TAS2R1: variants seen among roughly 807,000 people sequenced by gnomAD.
The protein encoded by TAS2R1 is taste 2 receptor member 1.
For missense variants in TAS2R1, 370 were observed against 353.4 expected (o/e 1.05, Z -0.38); for synonymous variants, 141 against 134.2 (o/e 1.05, Z -0.35).
At chr5:9,783,772 T>A in the TAS2R1 span, among the ~76,000 whole-genome samples, 5 of 152,368 alleles carry the variant, frequency 3.3e-5, no homozygotes, top group South Asian at 1.0e-3. Flanking sequence ...AAAATATGTG[T>A]AGCCAAGACA....
chr5:9,860,001 T>A, the TAS2R1 span, among the ~76,000 whole-genome samples: 3 of 152,228 alleles, frequency 2.0e-5, no homozygotes, highest in African/African-American at 7.2e-5. Flanking sequence ...AAGTCTAATA[T>A]CTTATCTGAC....
chr5:9,644,479 C>G (rs892397647), intron 2 of TAS2R1, among the ~76,000 whole-genome samples: 1 of 152,002 alleles, frequency 6.6e-6, no homozygotes, highest in African/African-American at 2.4e-5. Context: ...CCCTGGTGAG[C>G]AATGGAGCCA....
At chr5:9,826,213 T>A in the TAS2R1 span, among the ~76,000 whole-genome samples, 1 of 152,216 alleles carries the variant, frequency 6.6e-6, no homozygotes. Context: ...TGTATAATGA[T>A]GCTAATATCA....
upstream of TAS2R1, among the ~76,000 whole-genome samples, chr5:9,632,758 C>A (rs1561364719): frequency 6.6e-6 from 1 of 152,170 alleles, no homozygotes; most frequent in African/African-American, 2.4e-5. Context: ...TCAGGCTCTA[C>A]TTCTAATTAT....
chr5:9,857,897 G>A, the TAS2R1 span, among the ~76,000 whole-genome samples: 1 of 152,218 alleles, frequency 6.6e-6, no homozygotes, highest in Non-Finnish European at 1.5e-5. Context: ...CCTCCAGCAG[G>A]CTGGCCTGTT....
In TAS2R1 at chr5:9,640,404, G is replaced by A. The variant is rs1264908637; in HGVS notation, c.-80-10412C>T. On this transcript the variant is annotated intron_variant, in intron 2 of 2. Coordinates refer to the TAS2R1 transcript ENST00000506620. ...TTTCAGATAGTGAACGAATTACCAAGGTATGACAGAGACATGAAGAGAGCA... is the reference window on the plus strand; with the variant it reads ...TTTCAGATAGTGAACGAATTACCAAAGTATGACAGAGACATGAAGAGAGCA... Among the ~76,000 whole-genome samples, 3 of 146,902 alleles carry A rather than the reference G, an allele frequency of 2.0e-5. No individual in the cohort carries two copies. In the Admixed American group the frequency reaches 2.1e-4, roughly 10 times the overall value.
At chr5:9,842,312 CTCTCTTTTTTTTT>C in the TAS2R1 span, among the ~76,000 whole-genome samples, 1 of 120,378 alleles carries the variant, frequency 8.3e-6, no homozygotes, top group African/African-American at 3.0e-5. Context: ...GTCTTTCTTT[CTCTCTTTTTTTTT>C]TTTTTTTTTT....
the TAS2R1 span, among the ~76,000 whole-genome samples, chr5:9,871,415 G>T: frequency 6.6e-6 from 1 of 152,194 alleles, no homozygotes; most frequent in Non-Finnish European, 1.5e-5. Flanking sequence ...TTCACAGGAA[G>T]ATTTGGATGA....
the TAS2R1 span, among the ~76,000 whole-genome samples, chr5:9,816,194 G>A: frequency 6.6e-6 from 1 of 151,782 alleles, no homozygotes; most frequent in African/African-American, 2.4e-5. Flanking sequence ...GCTATACACT[G>A]TTTTGATTCT....
chr5:9,656,205 T>C (rs1387333376), intron 2 of TAS2R1, among the ~76,000 whole-genome samples: 1 of 152,218 alleles, frequency 6.6e-6, no homozygotes, highest in African/African-American at 2.4e-5. Flanking sequence ...TTGAGTAATA[T>C]AGCATTTTCA....
At chr5:9,736,814 T>G in the TAS2R1 span, among the ~76,000 whole-genome samples, 1 of 152,138 alleles carries the variant, frequency 6.6e-6, no homozygotes, top group African/African-American at 2.4e-5. Context: ...GTATTCTGGA[T>G]ACCCATGAGG....
the TAS2R1 span, among the ~76,000 whole-genome samples, chr5:9,839,503 A>G: frequency 5.9e-5 from 9 of 152,372 alleles, 1 homozygote; most frequent in African/African-American, 2.2e-4. Context: ...TTTCAGTGAC[A>G]TGATGAAATT....
chr5:9,700,596 C>CGCTT (rs1741460245), intron 1 of TAS2R1, among the ~76,000 whole-genome samples: 1 of 152,152 alleles, frequency 6.6e-6, no homozygotes, highest in East Asian at 1.9e-4. Flanking sequence ...GGATATAATG[C>CGCTT]GCTTGCTTGC....
intron 2 of TAS2R1, among the ~76,000 whole-genome samples, chr5:9,640,272 C>T (rs952288988): frequency 2.3e-4 from 35 of 151,566 alleles, no homozygotes; most frequent in Non-Finnish European, 4.6e-4. Context: ...ATCAAGTTTG[C>T]CATCTTGTTT....
intron 1 of TAS2R1, among the ~76,000 whole-genome samples, chr5:9,670,916 A>G (rs1740737046): frequency 6.6e-6 from 1 of 152,220 alleles, no homozygotes; most frequent in Non-Finnish European, 1.5e-5. Flanking sequence ...AACCAAATCC[A>G]GCAGCACATC....
the TAS2R1 span, among the ~76,000 whole-genome samples, chr5:9,857,624 T>C: frequency 6.6e-6 from 1 of 152,210 alleles, no homozygotes; most frequent in Non-Finnish European, 1.5e-5. Context: ...TTTTGAATTC[T>C]TTATCAGGAA....
At chr5:9,672,409 T>C (rs2126503750) in intron 1 of TAS2R1, among the ~76,000 whole-genome samples, 1 of 152,120 alleles carries the variant, frequency 6.6e-6, no homozygotes, top group Admixed American at 6.5e-5. Flanking sequence ...ATGTCCAGAA[T>C]CTATACGGAA....
chr5:9,646,107 T>C (rs951722259), intron 2 of TAS2R1, among the ~76,000 whole-genome samples: 7 of 152,176 alleles, frequency 4.6e-5, no homozygotes, highest in Non-Finnish European at 1.0e-4. Context: ...CCCATACCTG[T>C]GACTTGTATA....
At chr5:9,662,484 T>A (rs1019873667) in intron 1 of TAS2R1, among the ~76,000 whole-genome samples, 8 of 151,940 alleles carry the variant, frequency 5.3e-5, no homozygotes, top group African/African-American at 1.9e-4. Flanking sequence ...CATCCAGGAG[T>A]GACAGTTGTC....
Sources: allele counts gnomAD v4.1 joint callset (sites outside exome capture counted in the v4.1 genomes callset), GRCh38; gene constraint gnomAD v4.1.1; transcripts MANE v1.5; gene names NCBI Gene and HGNC (gene_info 2026-07-23, HGNC 2026-07-21).